The following PYCR2 variants were observed in gnomAD, a reference collection of about 807,000 sequenced individuals.
The protein encoded by PYCR2 is pyrroline-5-carboxylate reductase 2, also known as P5C reductase 2.
Under a neutral mutation model 23.4 loss-of-function variants are expected in PYCR2, and 17 were observed. The ratio of observed to expected loss-of-function variants is 0.73; its 90% CI spans 0.50 to 1.09. The LOEUF (loss-of-function observed/expected upper bound fraction) is 1.09, where lower values mean the gene tolerates loss of function less well. PYCR2 is among the 50% of genes least tolerant of loss of function. The pLI is 0.00. For missense variants in PYCR2, 380 were observed against 423.5 expected (o/e 0.90, Z 0.90); for synonymous variants, 172 against 176.6 (o/e 0.97, Z 0.21).
In PYCR2 at chr1:225,921,307, G is replaced by T. The variant is rs1438579368; in HGVS notation, c.698C>A (p.Ser233Tyr). 6.3e-7 allele frequency: 1 copy of T among 1,590,808 alleles called. No homozygotes were observed. Among genetic ancestry groups the T allele is most frequent in the Admixed American group, 1.7e-5 (1 of 59,964 alleles). ...HPCQLKDNVC[S>Y]PGGATIHALH... is the part of the protein sequence containing the mutation. ...GGCGTGGATGGTGGCTCCCCCAGGG[G>T]AGCAGACATTGTCCTTAAGCTGGCA... Residue 233 changes from serine (S) to tyrosine (Y), a missense_variant, in exon 6 of 7, where the codon TCC (serine) becomes TAC (tyrosine). Physicochemically the swap from Ser to Tyr is moderately radical, Grantham distance 144. Coordinates refer to ENST00000343818, the MANE Select transcript of PYCR2 (RefSeq NM_013328.4). The surrounding 1 kb of genome is among the most constrained non-coding windows in gnomAD (Gnocchi z 4.2).
At position 225,922,299 on chromosome 1, in the gene PYCR2, T is replaced by G. The variant is rs895721857; in HGVS notation, c.223A>C (p.Ile75Leu). ...VLFLAVKPHI[I>L]PFILDEIGAD... ...CCAATCTCATCCAGGATGAAGGGGA[T>G]GATATGTGGCTTCACAGCCAGAAAC... is the stretch of plus-strand genomic sequence containing the variant. The change falls in exon 3 of 7, where the codon ATC becomes CTC. Residue 75 changes from isoleucine to leucine, a missense_variant. Coordinates refer to ENST00000343818, the MANE Select transcript of PYCR2 (RefSeq NM_013328.4). 12 of 1,614,110 alleles carry G rather than the reference T, an allele frequency of 7.4e-6. No individual in the cohort carries two copies. The highest frequency in any genetic ancestry group is 9.3e-6 in the Non-Finnish European group (11 of 1,179,954).
intron 2 of PYCR2, chr1:225,923,259 C>T (rs1303136637): frequency 7.8e-6 from 2 of 257,480 alleles, no homozygotes; most frequent in Non-Finnish European, 6.3e-6. Flanking sequence ...AAATTAGCTG[C>T]GCGTGGTGGA....
intron 3 of PYCR2, 32 bp from the exon 4 acceptor site, chr1:225,922,111 C>T (rs1245876057): frequency 6.2e-7 from 1 of 1,609,046 alleles, no homozygotes; most frequent in Admixed American, 1.7e-5. Context: ...AATGAGTGGC[C>T]AGGGCACGGC....
chr1:225,922,460 C>A (rs748871972), intron 2 of PYCR2, 77 bp from the exon 3 acceptor site: 2 of 1,482,312 alleles, frequency 1.3e-6, no homozygotes, highest in African/African-American at 1.4e-5. Context: ...CAGCTGAACC[C>A]CTGCCAAACC....
chr1:225,923,622 G>A lies in PYCR2; in HGVS notation c.138+79C>T. 8 of 1,606,736 alleles carry A rather than the reference G, an allele frequency of 5.0e-6. No individual in the cohort carries two copies. In the South Asian group the frequency reaches 6.6e-5, roughly 13 times the overall value. ...CAAAGACCAGCACTTGGGCGCAGGGGCCGGCCAGACTCACTTCATCTCAGG... is the reference window on the plus strand; with the variant it reads ...CAAAGACCAGCACTTGGGCGCAGGGACCGGCCAGACTCACTTCATCTCAGG... On this transcript the variant is annotated intron_variant, in intron 2 of 6. Transcript: ENST00000343818.
chr1:225,921,793 C>T lies in PYCR2; in HGVS notation c.540+65G>A. ...GGTGGGCGCCACCCCCAGTCCAAGC[C>T]TGCCTGCCAGCCCATCTTGCTGCCT... On this transcript the variant is annotated intron_variant, in intron 4 of 6. Transcript: ENST00000343818. The surrounding 1 kb of genome is among the most constrained non-coding windows in gnomAD (Gnocchi z 4.2). 1.2e-6 allele frequency: 2 copies of T among 1,604,688 alleles called. No homozygotes were observed. Among genetic ancestry groups the T allele is most frequent in the East Asian group, 2.2e-5 (1 of 44,566 alleles).
Position 225,921,517 on chromosome 1 carries a change from C to T in PYCR2, c.633+35G>A. 1 of 1,611,186 alleles carries T rather than the reference C, an allele frequency of 6.2e-7. No individual in the cohort carries two copies. Among genetic ancestry groups the T allele is most frequent in the South Asian group, 1.1e-5 (1 of 91,008 alleles). Reference sequence around the variant, plus strand: ...GATGCACAAGAACCCCCATTCTACACCCTGGTCCTGAACATGCGGGGGAAA... The same window carrying T: ...GATGCACAAGAACCCCCATTCTACATCCTGGTCCTGAACATGCGGGGGAAA... On this transcript the variant is annotated intron_variant, in intron 5 of 6. Coordinates refer to ENST00000343818, the MANE Select transcript of PYCR2 (RefSeq NM_013328.4). This position sits in a 1 kb window ranked among gnomAD's most constrained non-coding sequence, Gnocchi z 4.2.
chr1:225,920,365 G>A lies in PYCR2; in HGVS notation c.*90C>T. On this transcript the variant is annotated 3_prime_UTR_variant, in exon 7 of 7. Coordinates refer to ENST00000343818, the MANE Select transcript of PYCR2 (RefSeq NM_013328.4). Reference sequence around the variant, plus strand: ...GCTTTCTCCTTGCACAGCTGAGGAGGGGCAATGGTGGGAGCGGGGCAGGGG... The same window carrying A: ...GCTTTCTCCTTGCACAGCTGAGGAGAGGCAATGGTGGGAGCGGGGCAGGGG... 5 of 1,242,200 alleles carry A rather than the reference G, an allele frequency of 4.0e-6. No homozygotes were observed. The highest frequency in any genetic ancestry group is 5.4e-6 in the Non-Finnish European group (5 of 918,804). 76.9% of individuals were successfully genotyped at this position (1,242,200 alleles called of 1,614,324 possible). A position where few individuals can be genotyped will look rare whatever the true frequency, so the allele number is the denominator to read the frequency against.
chr1:225,922,908 G>A, intron 2 of PYCR2: 1 of 826,210 alleles, frequency 1.2e-6, no homozygotes, highest in Non-Finnish European at 1.5e-6. Context: ...GACACTGCCT[G>A]TCACCTGCCT....
At position 225,923,297 on chromosome 1, in the gene PYCR2, C is replaced by T. The variant is rs910484288; in HGVS notation, c.138+404G>A. On this transcript the variant is annotated intron_variant, in intron 2 of 6. Coordinates refer to ENST00000343818, the MANE Select transcript of PYCR2 (RefSeq NM_013328.4). ...CCTGTAATTCCAGCTACTCGGGAGG[C>T]TGAGGTGGGAGGCTGAGGTGGGAGG... 35 of 326,868 alleles carry T rather than the reference C, an allele frequency of 1.1e-4. No homozygotes were observed. The Middle Eastern group carries it at 4.4e-3, about 41-fold the overall frequency. The allele number at this position is 326,868 out of a possible 1,614,324, so 20.2% of individuals were successfully genotyped here.
intron 2 of PYCR2, 77 bp downstream of exon 2, chr1:225,923,624 C>T (rs780503252): frequency 4.2e-4 from 674 of 1,605,302 alleles, no homozygotes; most frequent in South Asian, 1.3e-3. Flanking sequence ...GCGCAGGGGC[C>T]GGCCAGACTC....
Position 225,923,686 on chromosome 1 carries a change from C to A in PYCR2, c.138+15G>T, listed in dbSNP as rs756499697. On this transcript the variant is annotated intron_variant, in intron 2 of 6. Coordinates refer to ENST00000343818, the MANE Select transcript of PYCR2 (RefSeq NM_013328.4). ...GGGCCTCCACCCGCTTCCCACTCCGCCCGGCTCCACCTACCCTGAGCGCGG... is the reference window on the plus strand; with the variant it reads ...GGGCCTCCACCCGCTTCCCACTCCGACCGGCTCCACCTACCCTGAGCGCGG... The A allele has an allele frequency of 6.2e-7, 1 of 1,614,018 alleles. No individual in the cohort carries two copies.
At chr1:225,923,262 G>A (rs985989771) in intron 2 of PYCR2, 11 of 258,112 alleles carry the variant, frequency 4.3e-5, no homozygotes, top group Non-Finnish European at 5.7e-5. Context: ...TTAGCTGCGC[G>A]TGGTGGATGC....
At position 225,924,194 on chromosome 1, in the gene PYCR2, G is replaced by A; in HGVS notation, c.-84C>T. 7.0e-7 allele frequency: 1 copy of A among 1,428,422 alleles called. No homozygotes were observed. The highest frequency in any genetic ancestry group is 9.3e-7 in the Non-Finnish European group (1 of 1,073,392). The allele number at this position is 1,428,422 out of a possible 1,614,324, so 88.5% of individuals were successfully genotyped here. ...TAACGCTAGGGGAAGGGCGGACAGC[G>A]CAGGGGCGAACGGGCGGCGTGCCGA... On this transcript the variant is annotated 5_prime_UTR_variant, in exon 1 of 7. Transcript: ENST00000343818.
At position 225,922,092 on chromosome 1, in the gene PYCR2, A is replaced by G; in HGVS notation, c.319-13T>C. The G allele has an allele frequency of 6.2e-7, 1 of 1,611,992 alleles. No individual in the cohort carries two copies. Among genetic ancestry groups the G allele is most frequent in the South Asian group, 1.1e-5 (1 of 90,894 alleles). On this transcript the variant is annotated splice_polypyrimidine_tract_variant and intron_variant, in intron 3 of 6. Coordinates refer to ENST00000343818, the MANE Select transcript of PYCR2 (RefSeq NM_013328.4). ...ATGCCATCAGCTTCTAGGGTGAGGG[A>G]GAGAGCCGAATGAGTGGCCAGGGCA...
chr1:225,923,742 T>C lies in PYCR2; in HGVS notation c.97A>G (p.Ser33Gly), dbSNP rs1251938541. ...GTGGGCAGGTTCATTTCTGGGGAGC[T>C]GGCTATTATCTTGTGAGCCGACAGG... ...GILSAHKIIA[S>G]SPEMNLPTVS... is the part of the protein sequence containing the mutation. Residue 33 changes from serine (S) to glycine (G), a missense_variant, in exon 2 of 7, where the codon AGC becomes GGC. By Grantham distance (56) the Ser-to-Gly change is moderately conservative. Coordinates refer to ENST00000343818, the MANE Select transcript of PYCR2 (RefSeq NM_013328.4). 2 of 1,614,052 alleles carry C rather than the reference T, an allele frequency of 1.2e-6. No individual in the cohort carries two copies. Among genetic ancestry groups the C allele is most frequent in the Non-Finnish European group, 1.7e-6 (2 of 1,180,024 alleles).
At position 225,924,079 on chromosome 1, in the gene PYCR2, A is replaced by G; in HGVS notation, c.32T>C (p.Leu11Pro). The change falls in exon 1 of 7, where the codon CTG (leucine) becomes CCG (proline). Residue 11 changes from leucine to proline, a missense_variant. By Grantham distance (98) the Leu-to-Pro change is moderately conservative (BLOSUM62 -3). Transcript: ENST00000343818. MSVGFIGAGQ[L>P]AYALARGFTA... is the part of the protein sequence containing the mutation. The stretch of plus-strand genomic sequence containing the variant: ...GAAGCCCCGCGCCAGAGCATAGGCC[A>G]GCTGGCCGGCCCCGATGAAGCCCAC... 1 of 1,545,598 alleles carries G rather than the reference A, an allele frequency of 6.5e-7. No individual in the cohort carries two copies. Among genetic ancestry groups the G allele is most frequent in the Non-Finnish European group, 8.7e-7 (1 of 1,148,310 alleles).
rs1015928060 is a variant in PYCR2 at position 225,924,038 on chromosome 1, G to T, written c.67+6C>A. On this transcript the variant is annotated splice_donor_region_variant and intron_variant, in intron 1 of 6. Coordinates refer to ENST00000343818, the MANE Select transcript of PYCR2 (RefSeq NM_013328.4). ...GCGAAGCCGCCTCCCGCCTCCACGC[G>T]CTTGCCTGCGGCCGTGAAGCCCCGC... 14 of 1,533,462 alleles carry T rather than the reference G, an allele frequency of 9.1e-6. No individual in the cohort carries two copies. In the Admixed American group the frequency reaches 2.0e-4, roughly 22 times the overall value. 95.0% of individuals were successfully genotyped at this position (1,533,462 alleles called of 1,614,324 possible).
chr1:225,923,152 G>A (rs187172227), intron 2 of PYCR2: 18 of 556,768 alleles, frequency 3.2e-5, no homozygotes, highest in Middle Eastern at 9.2e-4. Flanking sequence ...GCTCACCCCT[G>A]TAATCCCAGC....
Sources: gnomAD v4.1 joint callset for allele counts on GRCh38, gnomAD v4.1.1 for gene constraint, Gnocchi (gnomAD v3.1) non-coding constraint, MANE v1.5 for transcripts, NCBI Gene and HGNC (gene_info 2026-07-23, HGNC 2026-07-21) for gene names.